Variants in DOCK8 observed in about 807,000 individuals in gnomAD.
The protein encoded by DOCK8 is dedicator of cytokinesis 8, also known as dedicator of cytokinesis protein 8.
In DOCK8, 141 loss-of-function variants were observed where a neutral mutation model predicts 245.6. The observed-to-expected ratio is 0.57, with a 90% CI of 0.50 to 0.66. The LOEUF is 0.66. Ranked by LOEUF, DOCK8 falls within the 30% of genes least tolerant of loss-of-function variation. DOCK8 has a pLI of 0.00. For missense variants in DOCK8, 2,965 were observed against 2,603.4 expected, an observed-to-expected ratio of 1.14 and a Z score of -3.02; for synonymous variants, 1,168 against 970.2, an observed-to-expected ratio of 1.20 and a Z score of -3.79.
chr9:343,966 C>T (rs945518416), intron 14 of DOCK8, among the ~76,000 whole-genome samples: 3 of 152,204 alleles, frequency 2.0e-5, no homozygotes, highest in African/African-American at 7.2e-5. Flanking sequence ...ACTTAGAGTG[C>T]ATTAGTGCAC....
At chr9:319,017 C>T (rs2050468211) in intron 7 of DOCK8, among the ~76,000 whole-genome samples, 2 of 152,120 alleles carry the variant, frequency 1.3e-5, no homozygotes, top group Non-Finnish European at 2.9e-5. Flanking sequence ...TTAATGGAGG[C>T]CAAGTGTGGT....
At chr9:329,468 A>G (rs969469328) in intron 9 of DOCK8, among the ~76,000 whole-genome samples, 4 of 152,230 alleles carry the variant, frequency 2.6e-5, no homozygotes, top group African/African-American at 4.8e-5. Context: ...TTAACACCAT[A>G]TAACAAAGAT....
chr9:290,285 T>C (rs1222518427), intron 4 of DOCK8, among the ~76,000 whole-genome samples: 2 of 152,076 alleles, frequency 1.3e-5, no homozygotes, highest in South Asian at 2.1e-4. Context: ...TTTTTTGCGA[T>C]TTTTTTAAAG....
intron 30 of DOCK8, among the ~76,000 whole-genome samples, chr9:418,809 C>A (rs1268532122): frequency 6.6e-6 from 1 of 152,048 alleles, no homozygotes; most frequent in Non-Finnish European, 1.5e-5. Flanking sequence ...CAAAGGAGAT[C>A]AAACCAAGGC....
At chr9:342,343 C>T (rs1168485245) in intron 14 of DOCK8, among the ~76,000 whole-genome samples, 6 of 132,398 alleles carry the variant, frequency 4.5e-5, no homozygotes, top group Non-Finnish European at 8.0e-5. Flanking sequence ...AGTCGTGAGT[C>T]ATTTTTCTTT....
intron 1 of DOCK8, among the ~76,000 whole-genome samples, chr9:227,515 C>A (rs554665306): frequency 2.6e-4 from 40 of 152,114 alleles, no homozygotes; most frequent in Non-Finnish European, 2.6e-4. Context: ...ATCCTGCATC[C>A]TGGAGTAAAG....
chr9:417,555 T>G (rs1299594390), intron 29 of DOCK8, among the ~76,000 whole-genome samples: 1 of 152,066 alleles, frequency 6.6e-6, no homozygotes, highest in Non-Finnish European at 1.5e-5. Context: ...TTAAACGGTT[T>G]ATCGTTTTTT....
At chr9:440,690 A>C (rs2057067231) in intron 40 of DOCK8, among the ~76,000 whole-genome samples, 1 of 152,192 alleles carries the variant, frequency 6.6e-6, no homozygotes, top group Admixed American at 6.5e-5. Flanking sequence ...AATTGCTGTT[A>C]GTCCCTGCTA....
chr9:230,871 A>G (rs1481283714), intron 1 of DOCK8, among the ~76,000 whole-genome samples: 1 of 152,020 alleles, frequency 6.6e-6, no homozygotes, highest in Admixed American at 6.5e-5. Context: ...CTCTGATGGT[A>G]GTTTCTTTTG....
At chr9:400,859 T>TCCTCCACCATCACCACCA (rs1322229674) in intron 26 of DOCK8, among the ~76,000 whole-genome samples, 1 of 17,662 alleles carries the variant, frequency 5.7e-5, no homozygotes, top group Non-Finnish European at 8.9e-5. Context: ...CATCACCACC[T>TCCTCCACCATCACCACCA]CCTCCACCAT....
intron 26 of DOCK8, among the ~76,000 whole-genome samples, chr9:400,281 T>C (rs868545573): frequency 0.051 from 290 of 5,742 alleles, 1 homozygote; most frequent in Middle Eastern, 0.091. Context: ...TCACCACCAC[T>C]TCCTTCACCA....
intron 43 of DOCK8, 57 bp downstream of exon 43, chr9:443,573 C>A: frequency 7.5e-7 from 1 of 1,330,038 alleles, no homozygotes; most frequent in Non-Finnish European, 1.1e-6. Context: ...CGTTCTCTAC[C>A]CAAGAATACC....
chr9:317,168 A>G (rs2130747968), intron 7 of DOCK8, 40 bp downstream of exon 7: 1 of 1,452,078 alleles, frequency 6.9e-7, no homozygotes, highest in South Asian at 1.1e-5. Flanking sequence ...TTTGAGATTT[A>G]TCTTGCCTTT....
At chr9:325,500 C>T (rs538392165) in intron 7 of DOCK8, among the ~76,000 whole-genome samples, 171 bp from the exon 8 acceptor site, 11 of 152,168 alleles carry the variant, frequency 7.2e-5, no homozygotes, top group Admixed American at 7.2e-4. Context: ...TTTCACAAAC[C>T]TCCTATATTT....
At chr9:319,420 A>T (rs1011825958) in intron 7 of DOCK8, among the ~76,000 whole-genome samples, 1 of 152,242 alleles carries the variant, frequency 6.6e-6, no homozygotes, top group Non-Finnish European at 1.5e-5. Flanking sequence ...TGGCCTGCTC[A>T]TGTGTTTTAA....
chr9:339,239 G>T (rs2051460501), intron 13 of DOCK8, 140 bp downstream of exon 13: 2 of 780,376 alleles, frequency 2.6e-6, no homozygotes, highest in African/African-American at 3.4e-5. Flanking sequence ...TTAAGAATCT[G>T]AATTGTTCTA....
intron 1 of DOCK8, among the ~76,000 whole-genome samples, chr9:269,395 T>G (rs558166178): frequency 6.6e-6 from 1 of 152,264 alleles, no homozygotes; most frequent in Admixed American, 6.5e-5. Flanking sequence ...CTCTTTTCCT[T>G]TTTATTGCTG....
intron 14 of DOCK8, chr9:340,602 C>G (rs993505263): frequency 1.8e-5 from 5 of 273,696 alleles, no homozygotes; most frequent in Non-Finnish European, 2.8e-5. Flanking sequence ...GCCTGGGAGA[C>G]AGAACCAGAC....
chr9:458,842 G>C (rs2057720751), intron 46 of DOCK8, among the ~76,000 whole-genome samples: 1 of 152,058 alleles, frequency 6.6e-6, no homozygotes, highest in Non-Finnish European at 1.5e-5. Context: ...GAGATGCAGG[G>C]GGGGTGAGGG....
Sources: gnomAD v4.1 joint callset for allele counts (sites outside exome capture counted in the v4.1 genomes callset) on GRCh38, gnomAD v4.1.1 for gene constraint, MANE v1.5 for transcripts, NCBI Gene and HGNC (gene_info 2026-07-23, HGNC 2026-07-21) for gene names.